The following MALRD1 variants were observed in gnomAD, a reference collection of about 807,000 sequenced individuals.
The protein encoded by MALRD1 is MAM and LDL-receptor class A domain-containing protein 1.
In MALRD1, 247 loss-of-function variants were observed where a neutral mutation model predicts 242.1. The ratio of observed to expected loss-of-function variants is 1.02; its 90% CI spans 0.92 to 1.13. MALRD1 has a LOEUF of 1.13. Among genes scored for constraint, MALRD1 ranks in the 50% most tolerant of loss-of-function variants. MALRD1 has a pLI of 0.00. For missense variants in MALRD1, 2,989 were observed against 2,533.1 expected (o/e 1.18, Z -3.86); for synonymous variants, 995 against 866.6 (o/e 1.15, Z -2.60).
chr10:19,066,600 G>A, intron 1 of MALRD1, 119 bp from the exon 2 acceptor site: 4 of 746,328 alleles, frequency 5.4e-6, no homozygotes, highest in Non-Finnish European at 3.7e-6. Flanking sequence ...AGACTTATAA[G>A]GAATAATCTT....
In MALRD1 at chr10:19,586,580, C is replaced by G. The variant is rs188006295; in HGVS notation, c.5681-8614C>G. Among the ~76,000 whole-genome samples, 41 of 152,300 alleles carry G rather than the reference C, an allele frequency of 2.7e-4. No homozygotes were observed. The South Asian group carries it at 7.3e-3, about 27-fold the overall frequency. On this transcript the variant is annotated intron_variant, in intron 33 of 39. Coordinates refer to ENST00000454679, the MANE Select transcript of MALRD1 (RefSeq NM_001142308.3). ...GACCCACTTGAGGAAGCAGTCTGCC[C>G]GTTCTCAGATCTCTAGCTGTGTACT...
chr10:19,429,389 C>A (rs1024458424), intron 28 of MALRD1, among the ~76,000 whole-genome samples: 1 of 151,906 alleles, frequency 6.6e-6, no homozygotes, highest in Admixed American at 6.6e-5. Flanking sequence ...GGTGGTGAAA[C>A]CCCATCTCTA....
chr10:19,542,351 G>T (rs1326797441), intron 32 of MALRD1, among the ~76,000 whole-genome samples: 1 of 151,414 alleles, frequency 6.6e-6, no homozygotes, highest in Non-Finnish European at 1.5e-5. Flanking sequence ...ACAGAGTCTG[G>T]GTTTAATGCC....
rs769269357 is a variant in MALRD1 at position 19,389,574 on chromosome 10, G to T, written c.4810G>T (p.Ala1604Ser). The T allele has an allele frequency of 1.9e-5, 30 of 1,550,526 alleles. No homozygotes were observed. Among genetic ancestry groups the T allele is most frequent in the Non-Finnish European group, 2.4e-5 (27 of 1,146,958 alleles). Residue 1604 changes from alanine to serine, a missense_variant, in exon 28 of 40, where the codon GCA becomes TCA. Coordinates refer to ENST00000454679, the MANE Select transcript of MALRD1 (RefSeq NM_001142308.3). Reference protein sequence around the residue: ...CTMSFWYFVSAKATGSIQILI... With the variant: ...CTMSFWYFVSSKATGSIQILI... ...CATGAGCTTCTGGTATTTCGTATCT[G>T]CAAAGGCCACAGGATCCATTCAGAT...
intron 29 of MALRD1, among the ~76,000 whole-genome samples, chr10:19,467,018 G>A (rs1020070152): frequency 2.0e-5 from 3 of 151,908 alleles, no homozygotes; most frequent in Admixed American, 6.6e-5. Flanking sequence ...GACAGAAGTC[G>A]CATTGGATTA....
At chr10:19,474,039 T>A (rs1394191419) in intron 29 of MALRD1, among the ~76,000 whole-genome samples, 1 of 152,180 alleles carries the variant, frequency 6.6e-6, no homozygotes, top group African/African-American at 2.4e-5. Context: ...GAGTGTAAGA[T>A]GGTATCTAGT....
intron 28 of MALRD1, among the ~76,000 whole-genome samples, chr10:19,443,732 T>C (rs940028290): frequency 6.6e-6 from 1 of 152,238 alleles, no homozygotes; most frequent in African/African-American, 2.4e-5. Flanking sequence ...AGGAGTTCTT[T>C]ACTTCCAACT....
intron 36 of MALRD1, among the ~76,000 whole-genome samples, chr10:19,656,334 T>G (rs988170836): frequency 3.9e-5 from 6 of 152,184 alleles, no homozygotes; most frequent in Admixed American, 3.9e-4. Context: ...AGTGCTTTAT[T>G]TGCTGTTATT....
At chr10:19,406,683 G>T (rs1323610999) in intron 28 of MALRD1, among the ~76,000 whole-genome samples, 1 of 152,194 alleles carries the variant, frequency 6.6e-6, no homozygotes, top group Non-Finnish European at 1.5e-5. Flanking sequence ...AAAGGGCATT[G>T]AGATCTGTTG....
chr10:19,485,423 C>A (rs891936546), intron 29 of MALRD1, among the ~76,000 whole-genome samples: 2 of 152,120 alleles, frequency 1.3e-5, no homozygotes, highest in African/African-American at 2.4e-5. Flanking sequence ...GCAGGCAGAT[C>A]ACAAGGTCAG....
At chr10:19,504,872 C>T (rs924652312) in intron 31 of MALRD1, among the ~76,000 whole-genome samples, 17 of 150,238 alleles carry the variant, frequency 1.1e-4, no homozygotes, top group Middle Eastern at 3.4e-3. Flanking sequence ...TTAGTAGAGA[C>T]GGGGTTTCAC....
intron 31 of MALRD1, among the ~76,000 whole-genome samples, chr10:19,521,167 G>A (rs527411003): frequency 3.0e-4 from 45 of 152,116 alleles, no homozygotes; most frequent in Middle Eastern, 6.8e-3. Context: ...TTATCTCATC[G>A]TTTTATAAGC....
chr10:19,185,164 C>T (rs1835683294), intron 14 of MALRD1, among the ~76,000 whole-genome samples: 1 of 152,142 alleles, frequency 6.6e-6, no homozygotes, highest in Non-Finnish European at 1.5e-5. Flanking sequence ...GGTACATTTT[C>T]TCACGCCTAC....
intron 38 of MALRD1, among the ~76,000 whole-genome samples, chr10:19,719,231 T>TACATACATAC (rs1564567434): frequency 0.01 from 325 of 31,410 alleles, 17 homozygotes; most frequent in East Asian, 0.076. Context: ...TACATATATA[T>TACATACATAC]ATATATATAT....
chr10:19,469,933 C>T (rs1383321059), intron 29 of MALRD1, among the ~76,000 whole-genome samples: 1 of 152,010 alleles, frequency 6.6e-6, no homozygotes, highest in Admixed American at 6.6e-5. Context: ...CCTCCCATCC[C>T]CTTTATTGGA....
intron 18 of MALRD1, among the ~76,000 whole-genome samples, chr10:19,221,275 G>C (rs1026976047): frequency 5.9e-5 from 9 of 151,956 alleles, no homozygotes; most frequent in African/African-American, 2.2e-4. Flanking sequence ...ATGTTAAGTT[G>C]ATCCCACTTC....
intron 27 of MALRD1, among the ~76,000 whole-genome samples, chr10:19,388,616 A>G (rs1231255943): frequency 6.6e-6 from 1 of 152,222 alleles, no homozygotes; most frequent in Admixed American, 6.5e-5. Context: ...TTTGAAACCT[A>G]TAGAGATGCC....
At chr10:19,171,400 A>C (rs1164050004) in intron 13 of MALRD1, among the ~76,000 whole-genome samples, 3 of 144,242 alleles carry the variant, frequency 2.1e-5, no homozygotes, top group Non-Finnish European at 1.5e-5. Context: ...CCGAAAGGGA[A>C]TTGGTCACAA....
chr10:19,532,937 A>G (rs539001860), intron 32 of MALRD1, among the ~76,000 whole-genome samples: 49 of 152,342 alleles, frequency 3.2e-4, no homozygotes, highest in Admixed American at 1.2e-3. Flanking sequence ...AGTGTAATTT[A>G]TAACCACTGA....
Sources: allele counts gnomAD v4.1 joint callset (sites outside exome capture counted in the v4.1 genomes callset), GRCh38; gene constraint gnomAD v4.1.1; transcripts MANE v1.5; gene names NCBI Gene and HGNC (gene_info 2026-07-23, HGNC 2026-07-21).